Variants in GSE1 observed in about 807,000 individuals in gnomAD.
GSE1 encodes Gse1 coiled-coil protein.
GSE1 carries 32 observed loss-of-function variants against 112.6 expected under a neutral mutation model. The observed-to-expected ratio is 0.28, with a 90% CI of 0.21 to 0.38. GSE1 has a LOEUF of 0.38. Among genes scored for constraint, GSE1 ranks in the 10% least tolerant of loss-of-function variants. The pLI, the probability that GSE1 is intolerant of heterozygous loss-of-function variation, is 1.00. For missense variants in GSE1, 2,348 were observed against 1,699.2 expected (o/e 1.38, Z -6.71); for synonymous variants, 1,115 against 735.6 (o/e 1.52, Z -8.35).
intron 1 of GSE1, among the ~76,000 whole-genome samples, chr16:85,182,849 C>T (rs999088856): frequency 3.3e-5 from 5 of 151,986 alleles, no homozygotes; most frequent in Non-Finnish European, 7.4e-5. Context: ...GGTAGTTTTG[C>T]CCCCACCACT....
chr16:85,380,912 G>C (rs1438267889), intron 2 of GSE1, among the ~76,000 whole-genome samples: 1 of 152,200 alleles, frequency 6.6e-6, no homozygotes, highest in East Asian at 1.9e-4. Context: ...CCCTGGTAAA[G>C]TCTTTGCAAT....
At chr16:85,431,683 T>C (rs1349577083) in intron 2 of GSE1, among the ~76,000 whole-genome samples, 1 of 151,950 alleles carries the variant, frequency 6.6e-6, no homozygotes, top group Non-Finnish European at 1.5e-5. Flanking sequence ...GGAGCGAAGC[T>C]CCACCCAGCC....
At chr16:85,341,874 C>G (rs1054574972) in intron 1 of GSE1, among the ~76,000 whole-genome samples, 16 of 152,064 alleles carry the variant, frequency 1.1e-4, no homozygotes, top group African/African-American at 3.9e-4. Context: ...GTGGTGATGG[C>G]TAGGGTTGGA....
chr16:85,226,133 C>A (rs1001988073), intron 1 of GSE1, among the ~76,000 whole-genome samples: 1 of 152,182 alleles, frequency 6.6e-6, no homozygotes, highest in Non-Finnish European at 1.5e-5. Flanking sequence ...ATACTCACTT[C>A]CTTAGACACG....
At chr16:85,226,380 T>C (rs971537934) in intron 1 of GSE1, among the ~76,000 whole-genome samples, 1 of 152,168 alleles carries the variant, frequency 6.6e-6, no homozygotes, top group Non-Finnish European at 1.5e-5. Context: ...GTGAGTTGAT[T>C]TAAGGAAAAT....
chr16:85,614,113 C>T (rs2048203986), intron 1 of GSE1, among the ~76,000 whole-genome samples: 1 of 140,778 alleles, frequency 7.1e-6, no homozygotes, highest in African/African-American at 2.6e-5. Flanking sequence ...AAGATGGCTG[C>T]CCCAGCCTCG....
intron 2 of GSE1, among the ~76,000 whole-genome samples, chr16:85,483,314 A>G (rs896242027): frequency 1.3e-5 from 2 of 152,204 alleles, no homozygotes; most frequent in African/African-American, 4.8e-5. Context: ...GTCATGGGAG[A>G]GCGAGAACAG....
intron 1 of GSE1, among the ~76,000 whole-genome samples, chr16:85,248,775 T>C (rs1906142651): frequency 6.6e-6 from 1 of 152,180 alleles, no homozygotes; most frequent in Non-Finnish European, 1.5e-5. Context: ...CTTTAGTTAA[T>C]GGGAACTGCT....
At chr16:85,487,068 A>G (rs547034410) in intron 2 of GSE1, among the ~76,000 whole-genome samples, 1 of 152,274 alleles carries the variant, frequency 6.6e-6, no homozygotes, top group Non-Finnish European at 1.5e-5. Flanking sequence ...CTGGAAGGCA[A>G]GAATTCCAGA....
upstream of GSE1, among the ~76,000 whole-genome samples, chr16:85,610,283 A>T (rs2047907727): frequency 6.6e-6 from 1 of 152,180 alleles, no homozygotes; most frequent in South Asian, 2.1e-4. Context: ...GCACCTACCT[A>T]GCTCCTTCCA....
intron 1 of GSE1, among the ~76,000 whole-genome samples, chr16:85,344,340 G>A (rs941978321): frequency 3.3e-5 from 5 of 152,162 alleles, no homozygotes; most frequent in Admixed American, 6.5e-5. Flanking sequence ...TGAGCAGCCC[G>A]CGCGTTGCTT....
intron 13 of GSE1, 73 bp from the exon 14 acceptor site, chr16:85,668,050 TGCACCAAGGGCAGAGCA>T (rs1372307448): frequency 2.0e-6 from 2 of 997,946 alleles, no homozygotes; most frequent in African/African-American, 3.2e-5. Context: ...ATGTTGACTC[TGCACCAAGGGCAGAGCA>T]GAGCTCCCTT....
intron 1 of GSE1, among the ~76,000 whole-genome samples, chr16:85,333,197 G>T (rs115983352): frequency 0.013 from 2,014 of 152,264 alleles, 37 homozygotes; most frequent in African/African-American, 0.046. Flanking sequence ...AGGAGGGGTG[G>T]CAGGGGAGCT....
At chr16:85,248,834 G>T (rs939028321) in intron 1 of GSE1, among the ~76,000 whole-genome samples, 1 of 152,216 alleles carries the variant, frequency 6.6e-6, no homozygotes, top group African/African-American at 2.4e-5. Context: ...GTCCTGGGAG[G>T]TGTGGAGTCA....
At chr16:85,443,172 C>T (rs1266051421) in intron 2 of GSE1, among the ~76,000 whole-genome samples, 3 of 152,204 alleles carry the variant, frequency 2.0e-5, no homozygotes, top group African/African-American at 4.8e-5. Context: ...GGGGGGGCAC[C>T]GGCCAGCCCG....
chr16:85,420,361 T>A (rs1351118203), intron 2 of GSE1, among the ~76,000 whole-genome samples: 2 of 152,102 alleles, frequency 1.3e-5, no homozygotes, highest in Non-Finnish European at 2.9e-5. Flanking sequence ...GGAACGTACT[T>A]CTGTTGATCT....
intron 2 of GSE1, among the ~76,000 whole-genome samples, chr16:85,531,849 C>A (rs1225830422): frequency 6.6e-6 from 1 of 152,178 alleles, no homozygotes; most frequent in African/African-American, 2.4e-5. Flanking sequence ...CAACTGTGGA[C>A]TTGAACTTGG....
chr16:85,554,760 C>G (rs1001990698), upstream of GSE1: 8 of 526,026 alleles, frequency 1.5e-5, no homozygotes, highest in Non-Finnish European at 1.9e-5. Flanking sequence ...TCCCGGCTCC[C>G]GCAGCTGTCA....
At chr16:85,209,655 C>A (rs2075190388) in intron 1 of GSE1, among the ~76,000 whole-genome samples, 1 of 152,238 alleles carries the variant, frequency 6.6e-6, no homozygotes, top group African/African-American at 2.4e-5. Context: ...CCCGGCTGCT[C>A]AGCCCACATT....
Sources: allele counts gnomAD v4.1 joint callset (sites outside exome capture counted in the v4.1 genomes callset), GRCh38; gene constraint gnomAD v4.1.1; transcripts MANE v1.5; gene names NCBI Gene and HGNC (gene_info 2026-07-23, HGNC 2026-07-21).